SPOCK1: variants seen among roughly 807,000 people sequenced by gnomAD.
SPOCK1 encodes testican-1.
SPOCK1 carries 23 observed loss-of-function variants against 55.3 expected under a neutral mutation model. That is an observed-to-expected ratio of 0.42 (90% CI 0.30 to 0.59). The LOEUF is 0.59. Among genes scored for constraint, SPOCK1 ranks in the 20% least tolerant of loss-of-function variants. The pLI is 0.22. For synonymous variants in SPOCK1, 226 were observed against 221.0 expected (o/e 1.02, Z -0.20); for missense variants, 499 against 552.5 (o/e 0.90, Z 0.97).
intron 3 of SPOCK1, among the ~76,000 whole-genome samples, chr5:137,179,214 T>C (rs1382787840): frequency 6.6e-6 from 1 of 152,148 alleles, no homozygotes; most frequent in Non-Finnish European, 1.5e-5. Flanking sequence ...AAGGGACTGG[T>C]TTCTACCCAT....
chr5:137,090,598 C>A (rs1483250572), intron 5 of SPOCK1, among the ~76,000 whole-genome samples: 4 of 152,206 alleles, frequency 2.6e-5, no homozygotes, highest in Non-Finnish European at 4.4e-5. Context: ...CATGGGGACC[C>A]AGCAGGCACC....
intron 2 of SPOCK1, among the ~76,000 whole-genome samples, chr5:137,459,616 T>G (rs1474270348): frequency 6.6e-6 from 1 of 152,152 alleles, no homozygotes; most frequent in Non-Finnish European, 1.5e-5. Context: ...ACTCCCACCC[T>G]GACCTGAAGG....
intron 6 of SPOCK1, among the ~76,000 whole-genome samples, chr5:137,034,952 C>G (rs1561586335): frequency 6.6e-6 from 1 of 152,122 alleles, no homozygotes; most frequent in Non-Finnish European, 1.5e-5. Context: ...GTAGGCCTGC[C>G]CAGCCTTGGT....
In SPOCK1 at chr5:137,405,911, C is replaced by T. The variant is rs1580908100; in HGVS notation, c.186+92462G>A. On this transcript the variant is annotated intron_variant, in intron 2 of 10. Transcript: ENST00000394945. ...AGGCTTCCTGCAATGGCCGAGTCTC[C>T]ACCTCTCCTCTGTTCACCCATTTGG... 9.2e-5 allele frequency among the ~76,000 whole-genome samples: 14 copies of T among 152,156 alleles called. No individual in the cohort carries two copies. In the South Asian group the frequency reaches 2.9e-3, roughly 32 times the overall value.
intron 5 of SPOCK1, among the ~76,000 whole-genome samples, chr5:137,072,583 A>G (rs1463070457): frequency 6.6e-6 from 1 of 152,342 alleles, no homozygotes; most frequent in East Asian, 1.9e-4. Flanking sequence ...GGTTGGAATG[A>G]GTGAATATTT....
At chr5:137,423,961 A>G (rs1752555075) in intron 2 of SPOCK1, among the ~76,000 whole-genome samples, 1 of 149,376 alleles carries the variant, frequency 6.7e-6, no homozygotes, top group Admixed American at 6.8e-5. Flanking sequence ...TTATTTTTGT[A>G]TATGTTGTGA....
intron 3 of SPOCK1, among the ~76,000 whole-genome samples, chr5:137,209,027 C>A (rs1213906686): frequency 6.6e-6 from 1 of 152,168 alleles, no homozygotes; most frequent in African/African-American, 2.4e-5. Flanking sequence ...CCCCTTTTGA[C>A]CTCCATTTCC....
intron 3 of SPOCK1, among the ~76,000 whole-genome samples, chr5:137,229,932 G>A (rs1299399914): frequency 3.3e-5 from 5 of 152,094 alleles, no homozygotes; most frequent in Non-Finnish European, 4.4e-5. Context: ...TCACCCTGCC[G>A]CTCACCTCCT....
intron 5 of SPOCK1, among the ~76,000 whole-genome samples, chr5:137,107,539 C>T (rs1233949398): frequency 1.3e-5 from 2 of 152,146 alleles, no homozygotes. Flanking sequence ...ACATTTATTG[C>T]CATGTAACAT....
chr5:137,119,944 GGAA>G (rs1316028988), intron 4 of SPOCK1, among the ~76,000 whole-genome samples: 1 of 152,112 alleles, frequency 6.6e-6, no homozygotes, highest in Non-Finnish European at 1.5e-5. Context: ...ATTCCCAAGA[GGAA>G]GAAAAGTCAA....
intron 2 of SPOCK1, among the ~76,000 whole-genome samples, chr5:137,367,818 C>T (rs1713084410): frequency 6.6e-6 from 1 of 152,208 alleles, no homozygotes; most frequent in South Asian, 2.1e-4. Context: ...TCTTGGGATG[C>T]TAACATAAAA....
intron 6 of SPOCK1, among the ~76,000 whole-genome samples, chr5:137,045,320 T>A (rs1752089140): frequency 1.9e-5 from 1 of 53,260 alleles, no homozygotes; most frequent in Non-Finnish European, 3.6e-5. Context: ...TTCCTGACTT[T>A]TTAATGATTG....
chr5:137,318,514 T>C (rs1451958808), intron 2 of SPOCK1, among the ~76,000 whole-genome samples: 1 of 152,154 alleles, frequency 6.6e-6, no homozygotes. Context: ...TCTCAGTACC[T>C]TGAGAAGAGG....
Position 137,099,979 on chromosome 5 carries a change from C to T in SPOCK1, c.474+12456G>A, listed in dbSNP as rs529275627. Among the ~76,000 whole-genome samples the T allele has an allele frequency of 1.2e-4, 18 of 152,270 alleles. No individual in the cohort carries two copies. The South Asian group carries it at 3.5e-3, about 30-fold the overall frequency. ...TCCCTACAACCAGGGATTTCCCTTA[C>T]ATCTTGCAAGCTCAACTATTAAAAT... On this transcript the variant is annotated intron_variant, in intron 5 of 10. Coordinates refer to ENST00000394945, the MANE Select transcript of SPOCK1 (RefSeq NM_004598.4).
At chr5:137,164,391 T>C (rs1166251051) in intron 3 of SPOCK1, among the ~76,000 whole-genome samples, 2 of 152,054 alleles carry the variant, frequency 1.3e-5, no homozygotes, top group African/African-American at 2.4e-5. Context: ...CCTGGAAAGA[T>C]CCAACACCTG....
At chr5:137,010,697 T>C (rs1440398111) in intron 6 of SPOCK1, among the ~76,000 whole-genome samples, 1 of 152,156 alleles carries the variant, frequency 6.6e-6, no homozygotes, top group Non-Finnish European at 1.5e-5. Flanking sequence ...ACTTCACCCA[T>C]GCTGACTAAT....
At chr5:137,212,895 G>C (rs1340405760) in intron 3 of SPOCK1, among the ~76,000 whole-genome samples, 1 of 152,118 alleles carries the variant, frequency 6.6e-6, no homozygotes, top group Non-Finnish European at 1.5e-5. Context: ...GGGAGAGTAG[G>C]GTAAACATAA....
intron 3 of SPOCK1, among the ~76,000 whole-genome samples, chr5:137,181,082 G>T (rs558649822): frequency 3.3e-5 from 5 of 152,086 alleles, no homozygotes; most frequent in African/African-American, 9.7e-5. Flanking sequence ...CTCTAACACC[G>T]GTCCTAAAAC....
At chr5:137,381,423 T>A (rs1250226012) in intron 2 of SPOCK1, among the ~76,000 whole-genome samples, 25 of 152,304 alleles carry the variant, frequency 1.6e-4, no homozygotes, top group Non-Finnish European at 4.4e-5. Context: ...ATGTTTCCCC[T>A]CTGTACTCCC....
Sources: allele counts gnomAD v4.1 joint callset (sites outside exome capture counted in the v4.1 genomes callset), GRCh38; gene constraint gnomAD v4.1.1; transcripts MANE v1.5; gene names NCBI Gene and HGNC (gene_info 2026-07-23, HGNC 2026-07-21).